Variants in GMDS observed in about 807,000 individuals in gnomAD.
GMDS encodes the protein GDP-mannose 4,6 dehydratase.
A neutral mutation model predicts 49.9 loss-of-function variants in GMDS; 20 were observed. That is an observed-to-expected ratio of 0.40 (90% CI 0.28 to 0.58). GMDS has a LOEUF of 0.58. Ranked by LOEUF, GMDS falls within the 20% of genes least tolerant of loss-of-function variation. The pLI is 0.42. For synonymous variants in GMDS, 177 were observed against 178.6 expected (o/e 0.99, Z 0.07); for missense variants, 362 against 481.4 (o/e 0.75, Z 2.32).
At chr6:2,007,363 G>A (rs1181768133) in intron 4 of GMDS, among the ~76,000 whole-genome samples, 2 of 151,852 alleles carry the variant, frequency 1.3e-5, no homozygotes, top group Non-Finnish European at 2.9e-5. Flanking sequence ...AATTCTAAGC[G>A]TGTACACTTC....
chr6:2,142,577 TC>T (rs1313907615), intron 1 of GMDS, among the ~76,000 whole-genome samples: 2 of 152,118 alleles, frequency 1.3e-5, no homozygotes, highest in Non-Finnish European at 2.9e-5. Flanking sequence ...GATCCTTCCC[TC>T]ACAGCCCTCA....
At chr6:1,985,288 C>A (rs752727413) in intron 4 of GMDS, among the ~76,000 whole-genome samples, 7 of 152,098 alleles carry the variant, frequency 4.6e-5, no homozygotes, top group Non-Finnish European at 1.0e-4. Context: ...ACCAGAGCAT[C>A]CTAGAGGCTG....
At chr6:1,779,920 G>C (rs913088963) in intron 7 of GMDS, among the ~76,000 whole-genome samples, 3 of 152,206 alleles carry the variant, frequency 2.0e-5, no homozygotes, top group African/African-American at 7.2e-5. Flanking sequence ...AACTGCTGGA[G>C]AGAATCACCT....
intron 6 of GMDS, among the ~76,000 whole-genome samples, chr6:1,931,892 T>C (rs1290181469): frequency 6.6e-6 from 1 of 152,196 alleles, no homozygotes; most frequent in Non-Finnish European, 1.5e-5. Context: ...CACCAATCAC[T>C]AAGCACTGAG....
chr6:1,984,507 C>T (rs929001929), intron 4 of GMDS, among the ~76,000 whole-genome samples: 2 of 151,696 alleles, frequency 1.3e-5, no homozygotes, highest in Admixed American at 1.3e-4. Context: ...CTGGGCATCA[C>T]TGAATATCCA....
intron 9 of GMDS, among the ~76,000 whole-genome samples, chr6:1,673,470 C>T (rs1310091812): frequency 6.6e-6 from 1 of 151,972 alleles, no homozygotes; most frequent in Admixed American, 6.6e-5. Context: ...CTTTCCTCCA[C>T]CCCACTCTTG....
At chr6:1,659,058 ACTC>A (rs1763981298) in intron 9 of GMDS, among the ~76,000 whole-genome samples, 1 of 152,076 alleles carries the variant, frequency 6.6e-6, no homozygotes, top group Admixed American at 6.5e-5. Flanking sequence ...CCAGTGGCAA[ACTC>A]CTCATGAACC....
intron 1 of GMDS, among the ~76,000 whole-genome samples, chr6:2,214,328 C>G (rs971937858): frequency 2.0e-5 from 3 of 152,106 alleles, no homozygotes; most frequent in African/African-American, 7.2e-5. Flanking sequence ...CCCCTATATC[C>G]ATCGGTTCCT....
At chr6:1,892,638 A>T (rs1008949198) in intron 7 of GMDS, among the ~76,000 whole-genome samples, 5 of 152,190 alleles carry the variant, frequency 3.3e-5, no homozygotes, top group African/African-American at 1.2e-4. Context: ...GATTACAGGC[A>T]TGAGCCACCA....
At chr6:1,747,197 C>T (rs868301576) in intron 7 of GMDS, among the ~76,000 whole-genome samples, 1 of 152,010 alleles carries the variant, frequency 6.6e-6, no homozygotes, top group Non-Finnish European at 1.5e-5. Context: ...TCACCACAGC[C>T]GACTGACTAC....
intron 4 of GMDS, among the ~76,000 whole-genome samples, chr6:2,049,084 G>T (rs1029307924): frequency 2.6e-5 from 4 of 152,158 alleles, no homozygotes; most frequent in Non-Finnish European, 4.4e-5. Flanking sequence ...CCCTCAACAA[G>T]AACTGAATTT....
At chr6:1,672,348 G>A (rs77723300) in intron 9 of GMDS, among the ~76,000 whole-genome samples, 3 of 152,320 alleles carry the variant, frequency 2.0e-5, no homozygotes, top group East Asian at 3.9e-4. Flanking sequence ...ATGATAGAAG[G>A]CTGTCCACAA....
At chr6:1,639,734 CG>C (rs1187011128) in intron 9 of GMDS, among the ~76,000 whole-genome samples, 3 of 152,122 alleles carry the variant, frequency 2.0e-5, no homozygotes, top group African/African-American at 7.2e-5. Context: ...AAAAACCAGC[CG>C]GGTGTGGTGG....
chr6:1,981,110 C>T (rs529341989), intron 4 of GMDS, among the ~76,000 whole-genome samples: 1 of 152,016 alleles, frequency 6.6e-6, no homozygotes, highest in East Asian at 1.9e-4. Context: ...AAATTAACAA[C>T]CTAACATCAG....
intron 7 of GMDS, among the ~76,000 whole-genome samples, chr6:1,815,516 C>T (rs1252068372): frequency 6.6e-6 from 1 of 152,192 alleles, no homozygotes; most frequent in Non-Finnish European, 1.5e-5. Context: ...AGGGGACCTT[C>T]CACTTGGTGA....
intron 9 of GMDS, among the ~76,000 whole-genome samples, chr6:1,718,565 C>T (rs982337088): frequency 2.0e-5 from 3 of 152,160 alleles, no homozygotes; most frequent in African/African-American, 7.2e-5. Flanking sequence ...TCCCTCATTA[C>T]ACCCACCCCA....
chr6:1,985,708 CT>C (rs1329859772), intron 4 of GMDS, among the ~76,000 whole-genome samples: 11 of 151,974 alleles, frequency 7.2e-5, no homozygotes, highest in African/African-American at 2.4e-4. Flanking sequence ...ACCTAGAAAA[CT>C]CATAGCAAGA....
At chr6:1,716,538 T>G (rs1033396096) in intron 9 of GMDS, among the ~76,000 whole-genome samples, 1 of 152,172 alleles carries the variant, frequency 6.6e-6, no homozygotes, top group Non-Finnish European at 1.5e-5. Context: ...GTGGCTAAGC[T>G]GCTGCACAGA....
chr6:1,950,650 T>A (rs978140698), intron 6 of GMDS, among the ~76,000 whole-genome samples: 1 of 152,334 alleles, frequency 6.6e-6, no homozygotes, highest in East Asian at 1.9e-4. Context: ...GTGAAAGTGA[T>A]ACCTAAAGAA....
Sources: allele counts gnomAD v4.1 joint callset (sites outside exome capture counted in the v4.1 genomes callset), GRCh38; gene constraint gnomAD v4.1.1; transcripts MANE v1.5; gene names NCBI Gene and HGNC (gene_info 2026-07-23, HGNC 2026-07-21).